Variants in FSTL4 observed in about 807,000 individuals in gnomAD.
FSTL4 encodes follistatin like 4, also known as follistatin-related protein 4.
Under a neutral mutation model 78.2 loss-of-function variants are expected in FSTL4, and 28 were observed. That is an observed-to-expected ratio of 0.36 (90% CI 0.27 to 0.49). The LOEUF (loss-of-function observed/expected upper bound fraction) is 0.49. Ranked by LOEUF, FSTL4 falls within the 20% of genes least tolerant of loss-of-function variation. The pLI is 0.98. For synonymous variants in FSTL4, 422 were observed against 440.5 expected, an observed-to-expected ratio of 0.96 and a Z score of 0.53; for missense variants, 922 against 1,084.9, an observed-to-expected ratio of 0.85 and a Z score of 2.11.
chr5:133,762,539 A>G, the FSTL4 span, among the ~76,000 whole-genome samples: 1,047 of 152,344 alleles, frequency 6.9e-3, 10 homozygotes, highest in African/African-American at 0.024. Context: ...TGCAAGAATC[A>G]AAAAAGCCAA....
the FSTL4 span, among the ~76,000 whole-genome samples, chr5:133,695,304 T>C: frequency 6.6e-6 from 1 of 152,212 alleles, no homozygotes; most frequent in Non-Finnish European, 1.5e-5. Flanking sequence ...TACCAGGTTC[T>C]GGCTCACATT....
At chr5:133,649,392 G>A in the FSTL4 span, among the ~76,000 whole-genome samples, 214 of 152,282 alleles carry the variant, frequency 1.4e-3, 1 homozygote, top group African/African-American at 4.9e-3. Context: ...TGTGATCACT[G>A]AATCTTATGG....
At chr5:133,281,674 T>C (rs1398618427) in intron 6 of FSTL4, among the ~76,000 whole-genome samples, 1 of 152,018 alleles carries the variant, frequency 6.6e-6, no homozygotes, top group Non-Finnish European at 1.5e-5. Flanking sequence ...AGGGAGGGGT[T>C]TTCTTTTCTC....
chr5:133,675,618 G>A, the FSTL4 span, among the ~76,000 whole-genome samples: 4 of 152,238 alleles, frequency 2.6e-5, no homozygotes, highest in Admixed American at 2.6e-4. Flanking sequence ...AGGCAGGACA[G>A]TGCCTGAGTA....
the FSTL4 span, among the ~76,000 whole-genome samples, chr5:133,822,395 C>A: frequency 6.6e-6 from 1 of 152,196 alleles, no homozygotes; most frequent in African/African-American, 2.4e-5. Flanking sequence ...TTAATGTAAT[C>A]GTTTCAGCTC....
chr5:133,335,859 C>T (rs1413666014), intron 4 of FSTL4, among the ~76,000 whole-genome samples: 4 of 152,128 alleles, frequency 2.6e-5, no homozygotes, highest in African/African-American at 9.7e-5. Flanking sequence ...ATTATACCCA[C>T]CACACCCATG....
the FSTL4 span, among the ~76,000 whole-genome samples, chr5:133,832,603 T>C: frequency 6.6e-6 from 1 of 152,250 alleles, no homozygotes; most frequent in Admixed American, 6.5e-5. Context: ...GGCAAGTCCA[T>C]ATGGCCATTC....
chr5:133,636,461 A>C, the FSTL4 span, among the ~76,000 whole-genome samples: 1 of 152,204 alleles, frequency 6.6e-6, no homozygotes, highest in Non-Finnish European at 1.5e-5. Context: ...TCTGATTCAC[A>C]GTAAACACTC....
intron 3 of FSTL4, among the ~76,000 whole-genome samples, chr5:133,508,130 C>T (rs1236610968): frequency 6.6e-6 from 1 of 152,188 alleles, no homozygotes; most frequent in Non-Finnish European, 1.5e-5. Context: ...TTGCACCTCA[C>T]TTTCCTCATC....
the FSTL4 span, among the ~76,000 whole-genome samples, chr5:133,824,403 C>T: frequency 6.6e-6 from 1 of 152,242 alleles, no homozygotes; most frequent in Non-Finnish European, 1.5e-5. Context: ...CAGAACAAGG[C>T]ATGTGCCCCC....
chr5:133,773,678 C>T, the FSTL4 span, among the ~76,000 whole-genome samples: 2 of 152,272 alleles, frequency 1.3e-5, no homozygotes, highest in South Asian at 2.1e-4. Flanking sequence ...TTCCTGCGTG[C>T]TTCATCTTCT....
At chr5:133,310,069 G>A (rs1753744400) in intron 6 of FSTL4, among the ~76,000 whole-genome samples, 1 of 152,138 alleles carries the variant, frequency 6.6e-6, no homozygotes, top group South Asian at 2.1e-4. Context: ...TATTACCAGA[G>A]CTATGGGAAT....
At chr5:133,671,082 C>T in the FSTL4 span, among the ~76,000 whole-genome samples, 1 of 152,162 alleles carries the variant, frequency 6.6e-6, no homozygotes, top group Non-Finnish European at 1.5e-5. Context: ...CCTGCCTGCT[C>T]CATGAAAATA....
At chr5:133,698,725 C>T in the FSTL4 span, among the ~76,000 whole-genome samples, 1,399 of 152,330 alleles carry the variant, frequency 9.2e-3, 24 homozygotes, top group African/African-American at 0.032. Context: ...ATCTCAGGAC[C>T]GTCCTAAAAG....
Position 133,237,580 on chromosome 5 carries a change from G to C in FSTL4, c.895-4043C>G, listed in dbSNP as rs371438355. 5.9e-5 allele frequency among the ~76,000 whole-genome samples: 9 copies of C among 152,180 alleles called. No individual in the cohort carries two copies. The South Asian group carries it at 8.3e-4, about 14-fold the overall frequency. ...TCAGCTCGGAGGAGAAGCTGACTCT[G>C]TAATAAGTAAAATAACGTCTCTGGG... On this transcript the variant is annotated intron_variant, in intron 7 of 15. Coordinates refer to ENST00000265342, the MANE Select transcript of FSTL4 (RefSeq NM_015082.2).
chr5:133,539,931 C>G (rs193174631), intron 3 of FSTL4, among the ~76,000 whole-genome samples: 2 of 148,794 alleles, frequency 1.3e-5, no homozygotes, highest in African/African-American at 2.5e-5. Context: ...AAACATTTTA[C>G]TGGATGTTTC....
At chr5:133,700,163 GAACCACCACACCAAACCATCACACCA>G in the FSTL4 span, among the ~76,000 whole-genome samples, 1 of 142,798 alleles carries the variant, frequency 7.0e-6, no homozygotes, top group African/African-American at 2.6e-5. Context: ...CCACCACACT[GAACCACCACACCAAACCATCACACCA>G]AACCACCACA....
the FSTL4 span, among the ~76,000 whole-genome samples, chr5:133,816,936 G>A: frequency 6.6e-6 from 1 of 152,184 alleles, no homozygotes; most frequent in Non-Finnish European, 1.5e-5. Flanking sequence ...GATCAGGGGT[G>A]TAAAGACTGC....
At chr5:133,701,690 A>C in the FSTL4 span, among the ~76,000 whole-genome samples, 1 of 152,210 alleles carries the variant, frequency 6.6e-6, no homozygotes, top group Non-Finnish European at 1.5e-5. Flanking sequence ...TCAAAGTAGC[A>C]GCAAGGGGTC....
Sources: gnomAD v4.1 joint callset for allele counts (sites outside exome capture counted in the v4.1 genomes callset) on GRCh38, gnomAD v4.1.1 for gene constraint, MANE v1.5 for transcripts, NCBI Gene and HGNC (gene_info 2026-07-23, HGNC 2026-07-21) for gene names.